Variants in LAMA4 observed in about 807,000 individuals in gnomAD.
The protein encoded by LAMA4 is laminin subunit alpha 4, also known as laminin subunit alpha-4.
In LAMA4, 127 loss-of-function variants were observed where a neutral mutation model predicts 207.1. The observed-to-expected ratio is 0.61, with a 90% confidence interval of 0.53 to 0.71. The LOEUF (loss-of-function observed/expected upper bound fraction) is 0.71, where lower values mean the gene tolerates loss of function less well. LAMA4 is among the 30% of genes least tolerant of loss of function. The pLI, the probability that LAMA4 is intolerant of heterozygous loss-of-function variation, is 0.00. For missense variants in LAMA4, 2,093 were observed against 2,246.5 expected (o/e 0.93, Z 1.38); for synonymous variants, 761 against 816.0 (o/e 0.93, Z 1.15).
intron 4 of LAMA4, among the ~76,000 whole-genome samples, chr6:112,205,661 G>A (rs1784016444): frequency 1.3e-5 from 2 of 151,948 alleles, no homozygotes; most frequent in South Asian, 2.1e-4. Context: ...ATTCATAACA[G>A]GCACCTTTCA....
In LAMA4 at chr6:112,117,713, C is replaced by T. The variant is rs781941329; in HGVS notation, c.4981+26G>A. The stretch of plus-strand genomic sequence containing the variant: ...CTCCAGGAAGAAGCATTTCATGACT[C>T]ATATTTTTAACATGACTAATGTTAC... On this transcript the variant is annotated intron_variant, in intron 35 of 38. Transcript: ENST00000230538. The surrounding 1 kb of genome is among the most constrained non-coding windows in gnomAD (Gnocchi z 4.5). 1 of 1,606,184 alleles carries T rather than the reference C, an allele frequency of 6.2e-7. No homozygotes were observed. The highest frequency in any genetic ancestry group is 1.1e-5 in the South Asian group (1 of 90,594).
At chr6:112,192,102 T>C (rs912172316) in intron 5 of LAMA4, among the ~76,000 whole-genome samples, 2 of 152,176 alleles carry the variant, frequency 1.3e-5, no homozygotes, top group East Asian at 1.9e-4. Context: ...AGCTATAGGA[T>C]TGAACTGGTA....
At chr6:112,154,321 G>T (rs950419469) in intron 16 of LAMA4, among the ~76,000 whole-genome samples, 2 of 139,540 alleles carry the variant, frequency 1.4e-5, no homozygotes, top group Admixed American at 7.7e-5. Context: ...TGTTAGGTCT[G>T]TCCTAAATAC....
intron 11 of LAMA4, among the ~76,000 whole-genome samples, 177 bp from the exon 12 acceptor site, chr6:112,172,981 T>C (rs1012598352): frequency 1.3e-5 from 2 of 152,294 alleles, no homozygotes; most frequent in Admixed American, 1.3e-4. Flanking sequence ...AATGCTACTT[T>C]TTAGAGTTTG....
In LAMA4 at chr6:112,141,452, C is replaced by T. The variant is rs138030555; in HGVS notation, c.2719G>A (p.Val907Ile). 3.5e-5 allele frequency: 56 copies of T among 1,611,368 alleles called. No homozygotes were observed. Among genetic ancestry groups the T allele is most frequent in the African/African-American group, 2.5e-4 (19 of 74,958 alleles). The change falls in exon 21 of 39, where the codon GTC becomes ATC. Residue 907 changes from valine (V) to isoleucine (I), a missense_variant. Val to Ile is a conservative substitution (Grantham distance 29, BLOSUM62 3). This residue lies in a region of LAMA4 where 1,704 missense variants were observed against 1,788.4 expected (regional missense o/e 0.95). Transcript: ENST00000230538. ...ACATCTTTAGTTCCCAAATTATAGA[C>T]GTATACCAGATTATCATTTTTGATT... is the stretch of plus-strand genomic sequence containing the variant. The part of the protein sequence containing the change: ...LAIKNDNLVY[V>I]YNLGTKDVEI...
chr6:112,216,020 A>T (rs1784605991), intron 3 of LAMA4, among the ~76,000 whole-genome samples: 1 of 152,252 alleles, frequency 6.6e-6, no homozygotes, highest in African/African-American at 2.4e-5. Context: ...ACGAAGCCAA[A>T]CATATGGCAA....
rs73532636 is a variant in LAMA4, at chr6:112,139,807, A to G, written c.3055T>C (p.Tyr1019His). The change falls in exon 23 of 39, where the codon TAC becomes CAC. Residue 1019 changes from tyrosine to histidine, a missense_variant. Physicochemically the swap from Tyr to His is moderately conservative, Grantham distance 83. Coordinates refer to ENST00000230538, the MANE Select transcript of LAMA4 (RefSeq NM_001105206.3). ...ATATTATAGATGTGCTTAAAGTTGT[A>G]CAAGCTGATCACATCATTATTCAAA... ...ATLNNDVISL[Y>H]NFKHIYNMDP... 150 of 1,614,064 alleles carry G rather than the reference A, an allele frequency of 9.3e-5. No homozygotes were observed. In the African/African-American group the frequency reaches 1.9e-3, roughly 20 times the overall value.
chr6:112,149,054 C>A (rs1404337524), intron 17 of LAMA4, among the ~76,000 whole-genome samples: 2 of 143,240 alleles, frequency 1.4e-5, no homozygotes, highest in Non-Finnish European at 3.0e-5. Context: ...GTAATTAGAA[C>A]TGTAAAACAA....
intron 13 of LAMA4, 127 bp from the exon 14 acceptor site, chr6:112,159,007 T>A (rs1019936980): frequency 4.3e-6 from 3 of 696,352 alleles, no homozygotes; most frequent in Non-Finnish European, 7.5e-6. Flanking sequence ...CAGGACCACA[T>A]AAGTCTAAAA....
intron 37 of LAMA4, 142 bp from the exon 38 acceptor site, chr6:112,114,337 A>G (rs1583626232): frequency 7.2e-6 from 6 of 833,216 alleles, no homozygotes; most frequent in East Asian, 2.6e-5. Flanking sequence ...AAAATCATCA[A>G]TGATGTCTAA....
At chr6:112,141,266 G>T in intron 21 of LAMA4, 92 bp downstream of exon 21, 1 of 1,145,550 alleles carries the variant, frequency 8.7e-7, no homozygotes, top group Non-Finnish European at 1.3e-6. Flanking sequence ...GGAAGACTGT[G>T]TATGTGTGTG....
intron 2 of LAMA4, among the ~76,000 whole-genome samples, chr6:112,246,541 G>C (rs1381511397): frequency 7.3e-6 from 1 of 136,764 alleles, no homozygotes; most frequent in Non-Finnish European, 1.5e-5. Flanking sequence ...TTTTTTTTGA[G>C]ATAGAGTCTC....
intron 5 of LAMA4, chr6:112,196,627 C>A (rs1173651067): frequency 6.6e-6 from 1 of 152,170 alleles, no homozygotes; most frequent in Non-Finnish European, 1.5e-5. Flanking sequence ...GTGCATTTTA[C>A]AATTATTTGC....
chr6:112,253,588 G>A, intron 2 of LAMA4: 1 of 696,944 alleles, frequency 1.4e-6, no homozygotes, highest in Non-Finnish European at 2.5e-6. Flanking sequence ...GGAAGCCAGT[G>A]ACAGGGCACA....
chr6:112,215,769 A>G (rs1411754897), intron 3 of LAMA4, among the ~76,000 whole-genome samples: 4 of 152,202 alleles, frequency 2.6e-5, no homozygotes, highest in African/African-American at 7.2e-5. Flanking sequence ...ACAAGGCTCT[A>G]TCATGCTTCA....
chr6:112,192,785 G>T (rs575308222), intron 5 of LAMA4, among the ~76,000 whole-genome samples: 1 of 152,334 alleles, frequency 6.6e-6, no homozygotes, highest in Non-Finnish European at 1.5e-5. Flanking sequence ...AAGCTGCCGT[G>T]CAGGGCAGCA....
Position 112,128,999 on chromosome 6 carries a change from TG to T in LAMA4, c.4209del (p.Ile1404LeufsTer41). 6.2e-7 allele frequency: 1 copy of T among 1,612,746 alleles called. No homozygotes were observed. Among genetic ancestry groups the T allele is most frequent in the Non-Finnish European group, 8.5e-7 (1 of 1,178,832 alleles). Reference sequence around the variant, plus strand: ...AGGAGAAACAATGGTGAAGACTCAATGGGACACTCATAAAGAGAAGTGTGGA... The same window carrying T: ...AGGAGAAACAATGGTGAAGACTCAATGGACACTCATAAAGAGAAGTGTGGA... ...EKVHTSLYEC[P>X]IESSPLFLLH... On this transcript the variant is annotated frameshift_variant, in exon 31 of 39. Transcript: ENST00000230538. LOFTEE classifies it high-confidence loss of function.
At chr6:112,203,931 A>G (rs2237245) in intron 4 of LAMA4, among the ~76,000 whole-genome samples, 14,474 of 152,140 alleles carry the variant, frequency 0.095, 975 homozygotes, top group East Asian at 0.36. Context: ...GGATCCACTT[A>G]CACAGAGAAA....
chr6:112,253,723 T>C (rs1787628932), intron 2 of LAMA4: 1 of 1,610,424 alleles, frequency 6.2e-7, no homozygotes, highest in South Asian at 1.1e-5. Context: ...ACACATGCAC[T>C]CTCACCCCTT....
Sources: gnomAD v4.1 joint callset for allele counts (sites outside exome capture counted in the v4.1 genomes callset) on GRCh38, gnomAD v4.1.1 for gene constraint, gnomAD v4.1.1 regional missense constraint, Gnocchi (gnomAD v3.1) non-coding constraint, MANE v1.5 for transcripts, NCBI Gene and HGNC (gene_info 2026-07-23, HGNC 2026-07-21) for gene names.